Variants in GRID2 observed in about 807,000 individuals in gnomAD.
GRID2 encodes the protein glutamate ionotropic receptor delta type subunit 2.
In GRID2, 33 loss-of-function variants were observed where a neutral mutation model predicts 114.8. The ratio of observed to expected loss-of-function variants is 0.29; its 90% CI spans 0.22 to 0.38. The LOEUF (loss-of-function observed/expected upper bound fraction) is 0.38, where lower values mean the gene tolerates loss of function less well. Among genes scored for constraint, GRID2 ranks in the 10% least tolerant of loss-of-function variants. The pLI, the probability that GRID2 is intolerant of heterozygous loss-of-function variation, is 1.00. For missense variants in GRID2, 1,184 were observed against 1,257.7 expected, an observed-to-expected ratio of 0.94 and a Z score of 0.89; for synonymous variants, 505 against 449.9, an observed-to-expected ratio of 1.12 and a Z score of -1.55.
chr4:92,404,878 T>C (rs1730953024), intron 1 of GRID2, among the ~76,000 whole-genome samples: 1 of 152,040 alleles, frequency 6.6e-6, no homozygotes, highest in Non-Finnish European at 1.5e-5. Context: ...TGGGGCCTGT[T>C]GGGCTGGTGG....
At chr4:92,449,676 G>GATTATATATATATAT (rs1720787178) in intron 1 of GRID2, among the ~76,000 whole-genome samples, 1 of 96,764 alleles carries the variant, frequency 1.0e-5, no homozygotes, top group African/African-American at 4.2e-5. Flanking sequence ...TTTTCTTACT[G>GATTATATATATATAT]ATATATATAT....
intron 1 of GRID2, among the ~76,000 whole-genome samples, chr4:92,411,114 G>C (rs950080982): frequency 6.6e-6 from 1 of 152,000 alleles, no homozygotes; most frequent in Admixed American, 6.6e-5. Flanking sequence ...GGCATGTGGT[G>C]GGTTCTTACT....
intron 2 of GRID2, among the ~76,000 whole-genome samples, chr4:93,077,450 A>G (rs2149313171): frequency 6.6e-6 from 1 of 152,308 alleles, no homozygotes. Context: ...GGACTATATT[A>G]AATATTCTGT....
At chr4:92,612,581 A>G (rs1340564658) in intron 2 of GRID2, among the ~76,000 whole-genome samples, 2 of 151,468 alleles carry the variant, frequency 1.3e-5, no homozygotes, top group East Asian at 3.9e-4. Context: ...CAATTTATGA[A>G]TTTAGAATAC....
chr4:92,598,274 C>T (rs900658772), intron 2 of GRID2, among the ~76,000 whole-genome samples: 7 of 152,178 alleles, frequency 4.6e-5, no homozygotes, highest in African/African-American at 1.7e-4. Flanking sequence ...GTGCCAACTA[C>T]TCTGCACACT....
chr4:93,569,910 A>G (rs1304189957), intron 13 of GRID2, among the ~76,000 whole-genome samples: 1 of 152,082 alleles, frequency 6.6e-6, no homozygotes, highest in Non-Finnish European at 1.5e-5. Context: ...ATCATAAATT[A>G]CTGCAGTTAT....
intron 1 of GRID2, among the ~76,000 whole-genome samples, chr4:92,404,661 A>C (rs1184788147): frequency 1.3e-5 from 2 of 152,222 alleles, no homozygotes; most frequent in Non-Finnish European, 2.9e-5. Flanking sequence ...TGGATAAAGA[A>C]AATGTGGTAC....
intron 1 of GRID2, among the ~76,000 whole-genome samples, chr4:92,497,792 G>A (rs1723468256): frequency 6.6e-6 from 1 of 151,740 alleles, no homozygotes; most frequent in Non-Finnish European, 1.5e-5. Flanking sequence ...CTGCTTGCAA[G>A]AACCTTTTCC....
At chr4:93,634,728 T>C (rs1406208471) in intron 14 of GRID2, among the ~76,000 whole-genome samples, 1 of 152,142 alleles carries the variant, frequency 6.6e-6, no homozygotes, top group Non-Finnish European at 1.5e-5. Flanking sequence ...GAAGGCCATT[T>C]GCAAGTATTC....
chr4:93,760,486 G>A (rs1424997856), intron 14 of GRID2, among the ~76,000 whole-genome samples: 1 of 152,156 alleles, frequency 6.6e-6, no homozygotes, highest in Non-Finnish European at 1.5e-5. Flanking sequence ...TTTTTAAACA[G>A]GTCTCTGCTC....
intron 2 of GRID2, among the ~76,000 whole-genome samples, chr4:92,846,380 A>T (rs1019993858): frequency 5.3e-5 from 8 of 151,888 alleles, no homozygotes; most frequent in African/African-American, 1.9e-4. Flanking sequence ...GTCTATGTGT[A>T]CCCAGTGTTT....
At chr4:93,664,314 C>T (rs571668282) in intron 14 of GRID2, among the ~76,000 whole-genome samples, 13 of 152,276 alleles carry the variant, frequency 8.5e-5, no homozygotes, top group Middle Eastern at 3.4e-3. Flanking sequence ...AGTAGGAAGG[C>T]ACTACAAAGT....
chr4:92,985,248 G>A (rs1157594825), intron 2 of GRID2, among the ~76,000 whole-genome samples: 4 of 149,366 alleles, frequency 2.7e-5, no homozygotes, highest in African/African-American at 7.4e-5. Context: ...TTTTGAGACG[G>A]AGTCTCGCTC....
At chr4:92,756,279 CT>C (rs1042870281) in intron 2 of GRID2, among the ~76,000 whole-genome samples, 1 of 151,996 alleles carries the variant, frequency 6.6e-6, no homozygotes, top group Admixed American at 6.6e-5. Context: ...TAATTTTGTT[CT>C]TTTTTTAGCT....
chr4:93,254,321 C>T (rs913624636), intron 8 of GRID2, among the ~76,000 whole-genome samples: 2 of 151,964 alleles, frequency 1.3e-5, no homozygotes, highest in Admixed American at 1.3e-4. Context: ...CATAATTCCA[C>T]AAACAGCTTG....
chr4:92,897,734 C>T (rs1310520636), intron 2 of GRID2, among the ~76,000 whole-genome samples: 1 of 151,916 alleles, frequency 6.6e-6, no homozygotes, highest in African/African-American at 2.4e-5. Flanking sequence ...TGCTGGAACA[C>T]AACGAAAAAA....
chr4:93,204,396 A>G (rs1213492964), intron 4 of GRID2, among the ~76,000 whole-genome samples: 1 of 152,178 alleles, frequency 6.6e-6, no homozygotes, highest in Non-Finnish European at 1.5e-5. Flanking sequence ...AATTTAGAAC[A>G]TGAAGATAGA....
intron 4 of GRID2, among the ~76,000 whole-genome samples, chr4:93,122,711 A>T (rs905541286): frequency 1.3e-5 from 2 of 152,040 alleles, no homozygotes; most frequent in Non-Finnish European, 1.5e-5. Context: ...GAAAAAAAAT[A>T]ACTGGCTTAA....
chr4:92,312,785 C>A (rs1386939475), intron 1 of GRID2, among the ~76,000 whole-genome samples: 3 of 152,022 alleles, frequency 2.0e-5, no homozygotes, highest in East Asian at 1.9e-4. Context: ...AATCAAAAAA[C>A]AGTAGATGTT....
Sources: gnomAD v4.1 joint callset for allele counts (sites outside exome capture counted in the v4.1 genomes callset) on GRCh38, gnomAD v4.1.1 for gene constraint, MANE v1.5 for transcripts, NCBI Gene and HGNC (gene_info 2026-07-23, HGNC 2026-07-21) for gene names.